Variants in TENT4B observed in about 807,000 individuals in gnomAD.
The protein encoded by TENT4B is terminal nucleotidyltransferase 4B.
In TENT4B, 10 loss-of-function variants were observed where a neutral mutation model predicts 75.0. The observed-to-expected ratio is 0.13, with a 90% confidence interval of 0.08 to 0.23. TENT4B has a LOEUF of 0.23. Among genes scored for constraint, TENT4B ranks in the 10% least tolerant of loss-of-function variants. The pLI, the probability that TENT4B is intolerant of heterozygous loss-of-function variation, is 1.00. For synonymous variants in TENT4B, 350 were observed against 357.7 expected (o/e 0.98, Z 0.24); for missense variants, 579 against 893.8 (o/e 0.65, Z 4.49).
rs191731758 is a variant in TENT4B at position 50,215,210 on chromosome 16, G to A, written c.810-865G>A. On this transcript the variant is annotated intron_variant, in intron 3 of 11. Transcript: ENST00000561678. ...TGAAATTGTTTGAACATTCCATCATGGTTATTATTATTATTACCTTAAATT... is the reference window on the plus strand; with the variant it reads ...TGAAATTGTTTGAACATTCCATCATAGTTATTATTATTATTACCTTAAATT... Among the ~76,000 whole-genome samples, 196 of 152,200 alleles carry A rather than the reference G, an allele frequency of 1.3e-3. 1 individual carries two copies. Among genetic ancestry groups the A allele is most frequent in the African/African-American group, 4.6e-3 (191 of 41,540 alleles).
At chr16:50,200,721 A>G (rs756374411) in intron 1 of TENT4B, among the ~76,000 whole-genome samples, 1 of 151,244 alleles carries the variant, frequency 6.6e-6, no homozygotes, top group Non-Finnish European at 1.5e-5. Flanking sequence ...AAATGGGTTC[A>G]TTTTCTTATT....
chr16:50,231,183 G>A lies in TENT4B; in HGVS notation c.*1855G>A. The A allele has an allele frequency of 1.0e-6, 1 of 985,170 alleles. No individual in the cohort carries two copies. Among genetic ancestry groups the A allele is most frequent in the Middle Eastern group, 5.2e-4 (1 of 1,912 alleles). The allele number at this position is 985,170 out of a possible 1,614,324, so 61.0% of individuals were successfully genotyped here. The stretch of plus-strand genomic sequence containing the variant: ...AACTGTGGAAGATTTCAAATGTGAT[G>A]TTATTTTGACAATGTTTTAAATTTT... On this transcript the variant is annotated 3_prime_UTR_variant, in exon 12 of 12. Coordinates refer to ENST00000561678, the MANE Select transcript of TENT4B (RefSeq NM_001365324.3).
chr16:50,160,946 G>A (rs2037992799), intron 1 of TENT4B, among the ~76,000 whole-genome samples: 1 of 152,206 alleles, frequency 6.6e-6, no homozygotes, highest in Admixed American at 6.5e-5. Context: ...TGAAGGGGCT[G>A]TAGGCCAAAG....
At chr16:50,209,098 G>T (rs984175182) in intron 1 of TENT4B, among the ~76,000 whole-genome samples, 25 of 152,016 alleles carry the variant, frequency 1.6e-4, no homozygotes, top group Non-Finnish European at 1.8e-4. Context: ...AATATTTTTT[G>T]CCTTTATTTG....
intron 1 of TENT4B, among the ~76,000 whole-genome samples, chr16:50,170,324 G>T (rs2038181895): frequency 6.6e-6 from 1 of 152,052 alleles, no homozygotes; most frequent in Non-Finnish European, 1.5e-5. Flanking sequence ...TGGGCAACTT[G>T]TGCTAATATT....
intron 1 of TENT4B, among the ~76,000 whole-genome samples, chr16:50,200,536 C>G (rs185310453): frequency 2.6e-4 from 40 of 152,214 alleles, no homozygotes; most frequent in African/African-American, 9.1e-4. Context: ...CACATCCTCA[C>G]CAGCATTTGG....
At chr16:50,185,807 AC>A (rs1444373376) in intron 1 of TENT4B, among the ~76,000 whole-genome samples, 1 of 150,470 alleles carries the variant, frequency 6.6e-6, no homozygotes, top group Non-Finnish European at 1.5e-5. Context: ...ACTCCCCCTT[AC>A]CCCCACTTCC....
At chr16:50,156,215 A>G (rs1466920815) in intron 1 of TENT4B, among the ~76,000 whole-genome samples, 1 of 152,124 alleles carries the variant, frequency 6.6e-6, no homozygotes, top group Non-Finnish European at 1.5e-5. Context: ...GTCAGCAGTT[A>G]ATTTTTTTTT....
chr16:50,201,978 A>G (rs2030683141), intron 1 of TENT4B, among the ~76,000 whole-genome samples: 1 of 152,122 alleles, frequency 6.6e-6, no homozygotes, highest in Non-Finnish European at 1.5e-5. Context: ...CTAAAGAAAA[A>G]AAAAAAATAC....
chr16:50,164,969 G>A (rs1461229617), intron 1 of TENT4B, among the ~76,000 whole-genome samples: 2 of 151,946 alleles, frequency 1.3e-5, no homozygotes, highest in South Asian at 2.1e-4. Flanking sequence ...TGGGAGGATC[G>A]CTTGAGACCA....
chr16:50,214,080 G>A (rs2031425360), intron 2 of TENT4B, 141 bp from the exon 3 acceptor site: 6 of 638,614 alleles, frequency 9.4e-6, no homozygotes, highest in Non-Finnish European at 5.6e-6. Context: ...TGAAGCTTGG[G>A]GTTAGAAAAA....
chr16:50,223,536 C>T (rs1004732437), intron 7 of TENT4B, 149 bp downstream of exon 7: 18 of 622,292 alleles, frequency 2.9e-5, no homozygotes, highest in Admixed American at 2.8e-4. Flanking sequence ...AGCAAACATA[C>T]TAAAATAAAC....
intron 1 of TENT4B, among the ~76,000 whole-genome samples, chr16:50,168,127 T>A (rs1216599465): frequency 6.7e-6 from 1 of 150,168 alleles, no homozygotes; most frequent in Non-Finnish European, 1.5e-5. Context: ...AAAAAAAGAA[T>A]GCAGAAGGAA....
At chr16:50,173,061 G>C (rs1009606557) in intron 1 of TENT4B, among the ~76,000 whole-genome samples, 6 of 152,072 alleles carry the variant, frequency 3.9e-5, no homozygotes, top group African/African-American at 1.4e-4. Context: ...TCCTGTCTCA[G>C]CCTCCCAAGT....
intron 3 of TENT4B, 82 bp from the exon 4 acceptor site, chr16:50,215,993 A>T (rs2031532287): frequency 6.5e-7 from 1 of 1,534,694 alleles, no homozygotes; most frequent in African/African-American, 1.4e-5. Flanking sequence ...TAATTGTACT[A>T]ATGAAGTCTA....
intron 1 of TENT4B, among the ~76,000 whole-genome samples, chr16:50,202,432 A>G (rs748706465): frequency 6.6e-6 from 1 of 152,254 alleles, no homozygotes; most frequent in Non-Finnish European, 1.5e-5. Context: ...ATATTTAAGA[A>G]TATAACAAAC....
chr16:50,154,471 T>A (rs1369855112), intron 1 of TENT4B, among the ~76,000 whole-genome samples: 1 of 150,818 alleles, frequency 6.6e-6, no homozygotes, highest in South Asian at 2.1e-4. Context: ...CTCCGTCTCC[T>A]GTCCTCCCTT....
At chr16:50,224,620 A>G in intron 7 of TENT4B, 37 bp from the exon 8 acceptor site, 1 of 1,611,862 alleles carries the variant, frequency 6.2e-7, no homozygotes, top group Non-Finnish European at 8.5e-7. Flanking sequence ...TATTAAGCAC[A>G]GTCAGGCTTA....
In TENT4B at chr16:50,230,715, T is replaced by C. The variant is rs2032265606; in HGVS notation, c.*1387T>C. 1.0e-6 allele frequency: 1 copy of C among 985,710 alleles called. No homozygotes were observed. Among genetic ancestry groups the C allele is most frequent in the Non-Finnish European group, 1.2e-6 (1 of 829,906 alleles). The allele number at this position is 985,710 out of a possible 1,614,324, so 61.1% of individuals were successfully genotyped here. A position where few individuals can be genotyped will look rare whatever the true frequency, so the allele number is the denominator to read the frequency against. Reference sequence around the variant, plus strand: ...GTTTCAATCATACTGTAAATTTTGGTTGTAGTCAGCTTTGAGTGCAATGAG... The same window carrying C: ...GTTTCAATCATACTGTAAATTTTGGCTGTAGTCAGCTTTGAGTGCAATGAG... On this transcript the variant is annotated 3_prime_UTR_variant, in exon 12 of 12. Transcript: ENST00000561678.
Sources: allele counts gnomAD v4.1 joint callset (sites outside exome capture counted in the v4.1 genomes callset), GRCh38; gene constraint gnomAD v4.1.1; transcripts MANE v1.5; gene names NCBI Gene and HGNC (gene_info 2026-07-23, HGNC 2026-07-21).